ZSCAN32: variants seen among roughly 807,000 people sequenced by gnomAD.
ZSCAN32 encodes zinc finger and SCAN domain-containing protein 32.
In ZSCAN32, 52 loss-of-function variants were observed where a neutral mutation model predicts 47.4. The observed-to-expected ratio is 1.10, with a 90% CI of 0.88 to 1.38. The LOEUF (loss-of-function observed/expected upper bound fraction) is 1.38. Ranked by LOEUF, ZSCAN32 falls within the 40% of genes most tolerant of loss-of-function variation. The pLI, the probability that ZSCAN32 is intolerant of heterozygous loss-of-function variation, is 0.00. For synonymous variants in ZSCAN32, 346 were observed against 305.7 expected (o/e 1.13, Z -1.38); for missense variants, 959 against 846.0 (o/e 1.13, Z -1.66).
Position 3,384,497 on chromosome 16 carries a change from C to T in ZSCAN32, c.1196G>A (p.Arg399Lys). 6.2e-7 allele frequency: 1 copy of T among 1,614,190 alleles called. No individual in the cohort carries two copies. Among genetic ancestry groups the T allele is most frequent in the Non-Finnish European group, 8.5e-7 (1 of 1,180,028 alleles). Residue 399 changes from arginine to lysine, a missense_variant, in exon 6 of 7, where the codon AGG becomes AAG. Transcript: ENST00000396852. Reference sequence around the variant, plus strand: ...GAACAGCACTGGCAGGTCTAGTTTCCTGACTTCCTGGCCAGGATTCCTGAA... The same window carrying T: ...GAACAGCACTGGCAGGTCTAGTTTCTTGACTTCCTGGCCAGGATTCCTGAA... ...KDFRNPGQEV[R>K]KLDLPVLFPN... is the part of the protein sequence containing the mutation.
At position 3,384,880 on chromosome 16, in the gene ZSCAN32, A is replaced by G. The variant is rs1294225847; in HGVS notation, c.813T>C (p.Ser271=). ...TKTLLAILSS[S]QFYGKLQTCQ... ...AGGTCTGGAGTTTTCCATAAAATTG[A>G]GAACTACTAAGAATAGCCAGGAGCG... The change falls in exon 6 of 7, where the codon TCT becomes TCC. Residue 271 remains serine, a synonymous_variant. Coordinates refer to ENST00000396852, the MANE Select transcript of ZSCAN32 (RefSeq NM_001284527.2). The G allele has an allele frequency of 1.1e-5, 17 of 1,614,024 alleles. No homozygotes were observed. The highest frequency in any genetic ancestry group is 1.7e-5 in the Admixed American group (1 of 60,000).
intron 2 of ZSCAN32, 104 bp from the exon 3 acceptor site, chr16:3,393,918 G>A: frequency 1.9e-6 from 2 of 1,068,304 alleles, no homozygotes; most frequent in Non-Finnish European, 2.6e-6. Context: ...GGAAGCAGAA[G>A]AGAAAAATCT....
rs199732982 is a variant in ZSCAN32, at chr16:3,383,726, C to A, written c.1235-15G>T. On this transcript the variant is annotated splice_polypyrimidine_tract_variant and intron_variant, in intron 6 of 6. Coordinates refer to ENST00000396852, the MANE Select transcript of ZSCAN32 (RefSeq NM_001284527.2). ...GAACTCAAAACCTGAAAAAAAAAAA[C>A]CCCACAGAAATACAATGGACTATAG... is the stretch of plus-strand genomic sequence containing the variant. 3,493 of 1,541,492 alleles carry A rather than the reference C, an allele frequency of 2.3e-3. 37 individuals carry two copies. In the African/African-American group the frequency reaches 0.035, roughly 15 times the overall value.
intron 3 of ZSCAN32, among the ~76,000 whole-genome samples, chr16:3,392,944 A>G (rs1414616552): frequency 1.3e-5 from 2 of 151,162 alleles, no homozygotes; most frequent in African/African-American, 4.9e-5. Context: ...ATTAAGTTGG[A>G]TGGGGAAGGG....
chr16:3,383,172 G>C lies in ZSCAN32; in HGVS notation c.1774C>G (p.Leu592Val). 1 of 1,614,130 alleles carries C rather than the reference G, an allele frequency of 6.2e-7. No individual in the cohort carries two copies. Among genetic ancestry groups the C allele is most frequent in the Non-Finnish European group, 8.5e-7 (1 of 1,180,018 alleles). The change falls in exon 7 of 7, where the codon CTC becomes GTC. Residue 592 changes from leucine (L) to valine (V), a missense_variant. Coordinates refer to ENST00000396852, the MANE Select transcript of ZSCAN32 (RefSeq NM_001284527.2). ...GTATGGGTCCTCTGGTGGACAATGA[G>C]GCTGGAACTCTGGTTGAAGCTTTTC... ...CGKSFNQSSS[L>V]IVHQRTHTGE...
intron 1 of ZSCAN32, among the ~76,000 whole-genome samples, chr16:3,399,317 A>G (rs568119600): frequency 1.2e-4 from 18 of 152,324 alleles, no homozygotes; most frequent in African/African-American, 4.1e-4. Context: ...AGCTAGGCCT[A>G]TCAAAATTCT....
At chr16:3,386,616 A>C (rs1483447276) in intron 5 of ZSCAN32, among the ~76,000 whole-genome samples, 1 of 152,242 alleles carries the variant, frequency 6.6e-6, no homozygotes, top group Non-Finnish European at 1.5e-5. Context: ...CAACCATAAA[A>C]AATGATGAGT....
chr16:3,389,872 G>T, intron 5 of ZSCAN32, 138 bp downstream of exon 5: 1 of 849,088 alleles, frequency 1.2e-6, no homozygotes, highest in South Asian at 1.8e-5. Context: ...GGCCTGCTCT[G>T]GTTCCCCATT....
In ZSCAN32 at chr16:3,383,500, C is replaced by G. The variant is rs1211079536; in HGVS notation, c.1446G>C (p.Met482Ile). Residue 482 changes from methionine (M) to isoleucine (I), a missense_variant, in exon 7 of 7, where the codon ATG (methionine) becomes ATC (isoleucine). Transcript: ENST00000396852. ...SEEKTPSQEK[M>I]SHQSFCARDK... is the part of the protein sequence containing the mutation. ...CCCTGGCACAAAAACTCTGGTGACT[C>G]ATCTTCTCCTGGGATGGGGTTTTCT... 1 of 1,614,002 alleles carries G rather than the reference C, an allele frequency of 6.2e-7. No homozygotes were observed. The highest frequency in any genetic ancestry group is 1.3e-5 in the African/African-American group (1 of 74,920).
At chr16:3,398,874 T>C (rs1432993085) in intron 1 of ZSCAN32, among the ~76,000 whole-genome samples, 1 of 152,222 alleles carries the variant, frequency 6.6e-6, no homozygotes, top group Non-Finnish European at 1.5e-5. Context: ...TGTATGTTTT[T>C]ATTTTCCAGC....
chr16:3,385,639 G>A (rs985792496), intron 5 of ZSCAN32, among the ~76,000 whole-genome samples: 21 of 152,136 alleles, frequency 1.4e-4, no homozygotes, highest in Middle Eastern at 3.4e-3. Flanking sequence ...AAATAATGCC[G>A]CATATCTACA....
chr16:3,392,976 T>C (rs1481960953), intron 3 of ZSCAN32, among the ~76,000 whole-genome samples: 1 of 150,046 alleles, frequency 6.7e-6, no homozygotes, highest in Non-Finnish European at 1.5e-5. Flanking sequence ...TTCAAGTATA[T>C]GAAAAACTGC....
At chr16:3,393,259 T>A (rs1489938312) in intron 3 of ZSCAN32, among the ~76,000 whole-genome samples, 1 of 45,564 alleles carries the variant, frequency 2.2e-5, no homozygotes, top group Non-Finnish European at 3.8e-5. Context: ...ATATATATTT[T>A]TTGTTTTCTT....
At chr16:3,385,599 T>G (rs1362052094) in intron 5 of ZSCAN32, among the ~76,000 whole-genome samples, 1 of 151,872 alleles carries the variant, frequency 6.6e-6, no homozygotes, top group Non-Finnish European at 1.5e-5. Flanking sequence ...AACAGAGAAA[T>G]AGACCAATGG....
intron 5 of ZSCAN32, among the ~76,000 whole-genome samples, chr16:3,386,353 C>G (rs1042429152): frequency 1.3e-5 from 2 of 152,148 alleles, no homozygotes; most frequent in African/African-American, 4.8e-5. Context: ...GGACTGTAAA[C>G]TAGTTCAACC....
At position 3,384,568 on chromosome 16, in the gene ZSCAN32, C is replaced by T. The variant is rs771893529; in HGVS notation, c.1125G>A (p.Glu375=). The part of the protein sequence containing the change: ...ELNHQNGEPT[E]VEDGTVDGAD... ...CACCATCCACAGTGCCATCTTCTAC[C>T]TCCGTGGGTTCCCCATTCTGGTGAT... The change falls in exon 6 of 7, where the codon GAG becomes GAA. Residue 375 remains glutamate (E), a synonymous_variant. Coordinates refer to ENST00000396852, the MANE Select transcript of ZSCAN32 (RefSeq NM_001284527.2). 19 of 1,614,056 alleles carry T rather than the reference C, an allele frequency of 1.2e-5. No individual in the cohort carries two copies. Among genetic ancestry groups the T allele is most frequent in the Non-Finnish European group, 1.6e-5 (19 of 1,180,028 alleles).
intron 3 of ZSCAN32, among the ~76,000 whole-genome samples, chr16:3,390,739 C>G (rs1567314759): frequency 1.3e-5 from 2 of 152,202 alleles, no homozygotes; most frequent in Admixed American, 1.3e-4. Context: ...GAGTCTGAGG[C>G]AAACTCAAGT....
intron 5 of ZSCAN32, among the ~76,000 whole-genome samples, chr16:3,385,807 A>C (rs1248288805): frequency 1.3e-5 from 2 of 152,270 alleles, no homozygotes; most frequent in Admixed American, 6.5e-5. Context: ...GAAGGATTAA[A>C]GACTTAAACG....
intron 6 of ZSCAN32, 169 bp from the exon 7 acceptor site, chr16:3,383,880 G>T: frequency 1.2e-6 from 1 of 821,666 alleles, no homozygotes; most frequent in Non-Finnish European, 1.8e-6. Context: ...ATATTTTTGA[G>T]CTCCAAATTA....
Sources: gnomAD v4.1 joint callset for allele counts (sites outside exome capture counted in the v4.1 genomes callset) on GRCh38, gnomAD v4.1.1 for gene constraint, MANE v1.5 for transcripts, NCBI Gene and HGNC (gene_info 2026-07-23, HGNC 2026-07-21) for gene names.